RBMS3: variants seen among roughly 807,000 people sequenced by gnomAD.
RBMS3 encodes the protein RNA binding motif single stranded interacting protein 3, also known as RNA-binding motif, single-stranded-interacting protein 3.
Under a neutral mutation model 66.8 loss-of-function variants are expected in RBMS3, and 27 were observed. That is an observed-to-expected ratio of 0.40 (90% CI 0.30 to 0.56). The LOEUF is 0.56. Among genes scored for constraint, RBMS3 ranks in the 20% least tolerant of loss-of-function variants. The pLI is 0.40. For synonymous variants in RBMS3, 188 were observed against 183.0 expected (o/e 1.03, Z -0.22); for missense variants, 513 against 549.5 (o/e 0.93, Z 0.66).
intron 5 of RBMS3, among the ~76,000 whole-genome samples, chr3:29,744,173 C>G (rs937686829): frequency 6.6e-6 from 1 of 152,036 alleles, no homozygotes; most frequent in South Asian, 2.1e-4. Flanking sequence ...CTCAAAATTA[C>G]TAATAAGGAA....
chr3:29,778,030 C>T (rs945175621), intron 6 of RBMS3, among the ~76,000 whole-genome samples: 6 of 151,860 alleles, frequency 4.0e-5, no homozygotes, highest in African/African-American at 1.4e-4. Context: ...TTATCAATAG[C>T]ACTGATATCT....
chr3:29,886,487 G>T (rs2059874548), intron 8 of RBMS3, among the ~76,000 whole-genome samples: 1 of 151,790 alleles, frequency 6.6e-6, no homozygotes, highest in Non-Finnish European at 1.5e-5. Context: ...TATCCAGGAT[G>T]ACTTAGTTTA....
chr3:29,622,115 G>A (rs1347289017), intron 4 of RBMS3, among the ~76,000 whole-genome samples: 1 of 152,066 alleles, frequency 6.6e-6, no homozygotes, highest in African/African-American at 2.4e-5. Flanking sequence ...AAAAATCAAT[G>A]AATATATTCA....
At chr3:29,627,415 A>G (rs1185604508) in intron 4 of RBMS3, among the ~76,000 whole-genome samples, 1 of 152,046 alleles carries the variant, frequency 6.6e-6, no homozygotes, top group African/African-American at 2.4e-5. Flanking sequence ...TTTGCATTGT[A>G]GGATATTTAG....
rs951476277 is a variant in RBMS3 at position 29,446,041 on chromosome 3, C to T, written c.248+11126C>T. 7.2e-5 allele frequency among the ~76,000 whole-genome samples: 11 copies of T among 152,182 alleles called. 1 individual carries two copies. The East Asian group carries it at 1.7e-3, about 24-fold the overall frequency. On this transcript the variant is annotated intron_variant, in intron 2 of 14. Coordinates refer to ENST00000383767, the MANE Select transcript of RBMS3 (RefSeq NM_001003793.3). ...CAAGATATAAAACATTTCTATCATCCGCAGAGATTTTTTAAAATATAATCA... is the reference window on the plus strand; with the variant it reads ...CAAGATATAAAACATTTCTATCATCTGCAGAGATTTTTTAAAATATAATCA...
chr3:29,879,685 T>G (rs2059691860), intron 7 of RBMS3, among the ~76,000 whole-genome samples: 1 of 152,120 alleles, frequency 6.6e-6, no homozygotes, highest in African/African-American at 2.4e-5. Context: ...GGCTAAAATA[T>G]CAATGTTTTA....
chr3:29,518,047 C>T (rs1321879742), intron 3 of RBMS3, among the ~76,000 whole-genome samples: 1 of 152,136 alleles, frequency 6.6e-6, no homozygotes, highest in Non-Finnish European at 1.5e-5. Flanking sequence ...AAGAGTAACT[C>T]ACAATGCCTA....
At chr3:29,556,973 A>G (rs2046388669) in intron 3 of RBMS3, among the ~76,000 whole-genome samples, 1 of 152,092 alleles carries the variant, frequency 6.6e-6, no homozygotes, top group Non-Finnish European at 1.5e-5. Flanking sequence ...ATTAGGCCAA[A>G]ACCACCCTCC....
intron 1 of RBMS3, among the ~76,000 whole-genome samples, chr3:29,329,112 A>G (rs2035505639): frequency 6.6e-6 from 1 of 152,144 alleles, no homozygotes; most frequent in Admixed American, 6.6e-5. Context: ...CCGGGAAAAT[A>G]TATGTTTTTG....
chr3:29,728,633 C>T (rs950509974), intron 4 of RBMS3, among the ~76,000 whole-genome samples: 1 of 152,120 alleles, frequency 6.6e-6, no homozygotes, highest in African/African-American at 2.4e-5. Context: ...ACACACACAG[C>T]ACACCACTTT....
chr3:29,929,664 C>T (rs1195213103), intron 10 of RBMS3, among the ~76,000 whole-genome samples: 1 of 151,720 alleles, frequency 6.6e-6, no homozygotes, highest in African/African-American at 2.4e-5. Context: ...ATTAAGAGTA[C>T]AAGGAAAAAA....
chr3:29,524,622 T>TTTTTTA (rs2045014650), intron 3 of RBMS3, among the ~76,000 whole-genome samples: 1 of 151,770 alleles, frequency 6.6e-6, no homozygotes, highest in Admixed American at 6.6e-5. Context: ...TTTATTTTTT[T>TTTTTTA]TAGTAGAGGC....
chr3:29,335,427 G>A (rs566596152), intron 1 of RBMS3, among the ~76,000 whole-genome samples: 1 of 152,256 alleles, frequency 6.6e-6, no homozygotes, highest in East Asian at 1.9e-4. Flanking sequence ...AGAAGGTTAA[G>A]CATTTATTTT....
intron 4 of RBMS3, among the ~76,000 whole-genome samples, chr3:29,588,794 A>G (rs114797053): frequency 0.014 from 2,196 of 152,228 alleles, 18 homozygotes; most frequent in Non-Finnish European, 0.023. Flanking sequence ...CAAAGAGTCA[A>G]TGGCATTAAG....
chr3:29,584,634 T>C (rs2047446461), intron 3 of RBMS3, among the ~76,000 whole-genome samples: 1 of 152,156 alleles, frequency 6.6e-6, no homozygotes, highest in Non-Finnish European at 1.5e-5. Flanking sequence ...ACTCACCCAG[T>C]GGCTTATGGC....
At chr3:29,354,914 T>G (rs896357816) in intron 1 of RBMS3, among the ~76,000 whole-genome samples, 2 of 152,264 alleles carry the variant, frequency 1.3e-5, no homozygotes, top group African/African-American at 4.8e-5. Context: ...CTTACTTAAC[T>G]GTTAAAAAGA....
intron 2 of RBMS3, among the ~76,000 whole-genome samples, chr3:29,485,097 C>A (rs1339313228): frequency 6.6e-6 from 1 of 152,112 alleles, no homozygotes; most frequent in African/African-American, 2.4e-5. Context: ...ATTTTCTCTT[C>A]AGCTTTGAAA....
intron 13 of RBMS3, among the ~76,000 whole-genome samples, chr3:29,988,467 A>C (rs1698586279): frequency 6.6e-6 from 1 of 152,222 alleles, no homozygotes; most frequent in African/African-American, 2.4e-5. Context: ...TTTAGAGAAA[A>C]TTCCAGAGGC....
intron 1 of RBMS3, among the ~76,000 whole-genome samples, chr3:29,306,176 A>C (rs185655586): frequency 6.6e-6 from 1 of 151,864 alleles, no homozygotes; most frequent in African/African-American, 2.4e-5. Flanking sequence ...TTGCATACCA[A>C]TTTTCATGTT....
Sources: gnomAD v4.1 joint callset for allele counts (sites outside exome capture counted in the v4.1 genomes callset) on GRCh38, gnomAD v4.1.1 for gene constraint, MANE v1.5 for transcripts, NCBI Gene and HGNC (gene_info 2026-07-23, HGNC 2026-07-21) for gene names.